The following HDAC8 variants were observed in gnomAD, a reference collection of about 807,000 sequenced individuals.
The protein encoded by HDAC8 is histone deacetylase 8.
HDAC8 carries 1 observed loss-of-function variant against 32.2 expected under a neutral mutation model. That is an observed-to-expected ratio of 0.03 (90% confidence interval 0.01 to 0.15). The LOEUF is 0.15. Ranked by LOEUF, HDAC8 falls within the 10% of genes least tolerant of loss-of-function variation. The pLI is 1.00. For synonymous variants in HDAC8, 108 were observed against 113.9 expected (o/e 0.95, Z 0.33); for missense variants, 117 against 300.0 (o/e 0.39, Z 4.51).
At chrX:72,520,668 T>C (rs782231655) in intron 4 of HDAC8, among the ~76,000 whole-genome samples, 1 of 112,538 alleles carries the variant, frequency 8.9e-6, no homozygotes, top group African/African-American at 3.2e-5. Context: ...TCATCTAATA[T>C]AGTCTGTAAA....
chrX:72,467,849 TAC>T, intron 7 of HDAC8: 1 of 766,450 alleles, frequency 1.3e-6, no homozygotes, highest in Non-Finnish European at 1.9e-6. Flanking sequence ...GATCGGGTAA[TAC>T]AGAGTGACAC....
chrX:72,496,807 C>T (rs2049038736), intron 4 of HDAC8, among the ~76,000 whole-genome samples: 2 of 108,791 alleles, frequency 1.8e-5, no homozygotes, highest in African/African-American at 6.7e-5. Flanking sequence ...AACCAATCAT[C>T]CAAACAAAAA....
chrX:72,416,949 C>T (rs1311151460), intron 9 of HDAC8, among the ~76,000 whole-genome samples: 1 of 110,576 alleles, frequency 9.0e-6, no homozygotes, highest in East Asian at 2.8e-4. Flanking sequence ...TATTTGATGA[C>T]CCATGAAATG....
At chrX:72,428,197 G>C (rs1438780578) in intron 9 of HDAC8, among the ~76,000 whole-genome samples, 15 of 112,045 alleles carry the variant, frequency 1.3e-4, no homozygotes, top group Non-Finnish European at 2.4e-4. Context: ...AGGTTCACGC[G>C]ATTCTCCTGC....
intron 7 of HDAC8, among the ~76,000 whole-genome samples, chrX:72,486,119 T>TA (rs1201329444): frequency 2.7e-5 from 3 of 110,499 alleles, no homozygotes; most frequent in South Asian, 3.8e-4. Context: ...TAAAAATAAA[T>TA]AAATAAAATA....
At chrX:72,430,577 A>C (rs1375390486) in intron 9 of HDAC8, among the ~76,000 whole-genome samples, 1 of 112,274 alleles carries the variant, frequency 8.9e-6, no homozygotes, top group Non-Finnish European at 1.9e-5. Flanking sequence ...CTGGGTTCTC[A>C]TAGCACATAC....
At chrX:72,486,123 T>A (rs890449820) in intron 7 of HDAC8, among the ~76,000 whole-genome samples, 12 of 110,579 alleles carry the variant, frequency 1.1e-4, no homozygotes, top group African/African-American at 3.6e-4. Flanking sequence ...AATAAATAAA[T>A]AAAATAAAAT....
intron 9 of HDAC8, among the ~76,000 whole-genome samples, chrX:72,454,199 G>C (rs1555988856): frequency 8.9e-6 from 1 of 112,190 alleles, no homozygotes; most frequent in Admixed American, 9.5e-5. Context: ...AGCAGATCCA[G>C]TGGTGGCTGC....
intron 9 of HDAC8, among the ~76,000 whole-genome samples, chrX:72,435,544 A>G (rs986075163): frequency 1.8e-5 from 2 of 112,214 alleles, no homozygotes; most frequent in Admixed American, 1.9e-4. Flanking sequence ...AAAAAAAGAG[A>G]AAGTATTAGC....
In HDAC8 at chrX:72,397,816, G is replaced by A. The variant is rs567140971; in HGVS notation, c.1006-45978C>T. 4.5e-5 allele frequency among the ~76,000 whole-genome samples: 5 copies of A among 112,051 alleles called. 1 individual carries two copies. In the South Asian group the frequency reaches 1.9e-3, roughly 42 times the overall value. On this transcript the variant is annotated intron_variant, in intron 9 of 10. Transcript: ENST00000373573. ...TCTGAGAATCTTTCACATTGTTATT[G>A]GCATCAGTTCATTCATTTTAATTGT...
chrX:72,493,038 A>T (rs1364181978), intron 5 of HDAC8, among the ~76,000 whole-genome samples: 2 of 111,734 alleles, frequency 1.8e-5, no homozygotes, highest in Non-Finnish European at 3.8e-5. Flanking sequence ...GGAGGGAGAG[A>T]ACACTTGAGC....
chrX:72,436,074 G>T (rs894615019), intron 9 of HDAC8, among the ~76,000 whole-genome samples: 4 of 111,035 alleles, frequency 3.6e-5, no homozygotes, highest in African/African-American at 1.3e-4. Context: ...AGAGTCTCAG[G>T]GTCCTGTGTG....
chrX:72,360,286 C>T (rs782542093), intron 9 of HDAC8, among the ~76,000 whole-genome samples: 5 of 108,854 alleles, frequency 4.6e-5, no homozygotes, highest in Admixed American at 1.9e-4. Context: ...ACCCAGGAGG[C>T]GGAGGTTGCA....
At chrX:72,450,376 G>T (rs2148011756) in intron 9 of HDAC8, among the ~76,000 whole-genome samples, 1 of 111,919 alleles carries the variant, frequency 8.9e-6, no homozygotes, top group Non-Finnish European at 1.9e-5. Context: ...TAATAAAATT[G>T]CCTATGCACA....
At chrX:72,535,542 G>A (rs2050495354) in intron 4 of HDAC8, among the ~76,000 whole-genome samples, 2 of 111,327 alleles carry the variant, frequency 1.8e-5, no homozygotes, top group Admixed American at 9.5e-5. Flanking sequence ...GGAAAACAAA[G>A]TTCTGTGAAA....
chrX:72,353,156 T>C (rs2044231947), intron 9 of HDAC8, among the ~76,000 whole-genome samples: 1 of 112,200 alleles, frequency 8.9e-6, no homozygotes, highest in Non-Finnish European at 1.9e-5. Context: ...TTATCCTTGT[T>C]AAGAGTCTGA....
At position 72,572,675 on chromosome X, in the gene HDAC8, G is replaced by A. The variant is rs2052145898; in HGVS notation, c.87C>T (p.Asp29=). The part of the protein sequence containing the change: ...IYSPEYVSMC[D]SLAKIPKRAS... ...CCCGTTTGGGGATCTTGGCCAGGGA[G>A]TCACACATACTGACATACTCGGGAC... The change falls in exon 1 of 11, where the codon GAC becomes GAT. Residue 29 remains aspartate (D), a synonymous_variant. Transcript: ENST00000373573. The A allele has an allele frequency of 2.5e-6, 3 of 1,188,980 alleles. No homozygotes were observed. The highest frequency in any genetic ancestry group is 2.3e-6 in the Non-Finnish European group (2 of 884,360).
chrX:72,519,249 G>C (rs782558376), intron 4 of HDAC8, among the ~76,000 whole-genome samples: 40 of 112,126 alleles, frequency 3.6e-4, no homozygotes, highest in Non-Finnish European at 5.3e-4. Flanking sequence ...TGGCTATAAT[G>C]AATAGAGCTG....
intron 9 of HDAC8, among the ~76,000 whole-genome samples, chrX:72,354,857 T>A (rs905652517): frequency 1.5e-4 from 17 of 111,688 alleles, no homozygotes; most frequent in African/African-American, 5.2e-4. Flanking sequence ...TAGGAGCCAA[T>A]GAGATAATAT....
Sources: gnomAD v4.1 joint callset for allele counts (sites outside exome capture counted in the v4.1 genomes callset) on GRCh38, gnomAD v4.1.1 for gene constraint, MANE v1.5 for transcripts, NCBI Gene and HGNC (gene_info 2026-07-23, HGNC 2026-07-21) for gene names.